The following KLRG1 variants were observed in gnomAD, a reference collection of about 807,000 sequenced individuals.
KLRG1 encodes the protein killer cell lectin-like receptor subfamily G member 1.
A neutral mutation model predicts 21.8 loss-of-function variants in KLRG1; 16 were observed. The observed-to-expected ratio is 0.73, with a 90% CI of 0.50 to 1.11. The LOEUF is 1.11. Among genes scored for constraint, KLRG1 ranks in the 50% most tolerant of loss-of-function variants. KLRG1 has a pLI of 0.00. For missense variants in KLRG1, 173 were observed against 218.3 expected (o/e 0.79, Z 1.31); for synonymous variants, 69 against 75.9 (o/e 0.91, Z 0.47).
At chr12:9,126,684 G>C in the KLRG1 span, among the ~76,000 whole-genome samples, 1 of 152,096 alleles carries the variant, frequency 6.6e-6, no homozygotes, top group African/African-American at 2.4e-5. Context: ...TTAAGTATGG[G>C]TGCTCCCTCC....
At chr12:9,160,758 CA>C in the KLRG1 span, among the ~76,000 whole-genome samples, 2 of 151,728 alleles carry the variant, frequency 1.3e-5, no homozygotes, top group Non-Finnish European at 2.9e-5. Context: ...ACTAAAAATA[CA>C]AAAAAATTAG....
At chr12:9,089,573 T>C in the KLRG1 span, among the ~76,000 whole-genome samples, 1 of 152,084 alleles carries the variant, frequency 6.6e-6, no homozygotes, top group African/African-American at 2.4e-5. Context: ...AAATCCTGTC[T>C]CTACTAAAAA....
the KLRG1 span, among the ~76,000 whole-genome samples, chr12:9,165,864 T>C: frequency 6.6e-6 from 1 of 152,242 alleles, no homozygotes; most frequent in Non-Finnish European, 1.5e-5. Context: ...TATTTTAGAA[T>C]TGCTCAGCAC....
the KLRG1 span, among the ~76,000 whole-genome samples, chr12:9,206,111 T>C: frequency 6.6e-6 from 1 of 152,204 alleles, no homozygotes; most frequent in Non-Finnish European, 1.5e-5. Flanking sequence ...TATGTCTTAA[T>C]CTTTTTCTGG....
chr12:8,982,029 C>T (rs1946762711), intron 1 of KLRG1, among the ~76,000 whole-genome samples: 1 of 152,110 alleles, frequency 6.6e-6, no homozygotes, highest in East Asian at 1.9e-4. Context: ...AGTATGACCA[C>T]TTGTGGAAGG....
chr12:9,151,935 T>C, the KLRG1 span, among the ~76,000 whole-genome samples: 1 of 152,220 alleles, frequency 6.6e-6, no homozygotes, highest in Non-Finnish European at 1.5e-5. Context: ...ATTTAAACCA[T>C]ATCCTATCTT....
At chr12:8,996,097 A>G (rs1483659379) in intron 3 of KLRG1, among the ~76,000 whole-genome samples, 5 of 152,190 alleles carry the variant, frequency 3.3e-5, no homozygotes, top group Non-Finnish European at 7.3e-5. Context: ...CTGGAATCCA[A>G]TAAGTTCCAG....
At chr12:9,067,972 C>T in the KLRG1 span, 1 of 1,013,450 alleles carries the variant, frequency 9.9e-7, no homozygotes, top group African/African-American at 1.6e-5. Flanking sequence ...AAATCTATTC[C>T]AAATCATTAC....
chr12:9,158,668 CA>C, the KLRG1 span: 1 of 1,317,618 alleles, frequency 7.6e-7, no homozygotes, highest in African/African-American at 1.5e-5. Context: ...TCACAGTGTG[CA>C]CCCAAGAAAG....
At chr12:9,206,415 G>A in the KLRG1 span, among the ~76,000 whole-genome samples, 2 of 151,990 alleles carry the variant, frequency 1.3e-5, no homozygotes. Flanking sequence ...ACAAATCCAG[G>A]TTGACAAACT....
At chr12:9,067,383 T>C in the KLRG1 span, 42 of 277,818 alleles carry the variant, frequency 1.5e-4, no homozygotes, top group South Asian at 1.6e-3. Flanking sequence ...TTCAATGTTG[T>C]ATTTCATTCT....
At chr12:9,131,158 C>T in the KLRG1 span, among the ~76,000 whole-genome samples, 11 of 152,096 alleles carry the variant, frequency 7.2e-5, no homozygotes. Flanking sequence ...GTCTTTATGC[C>T]AGTGCCACAC....
the KLRG1 span, chr12:9,111,388 CT>C: frequency 1.4e-5 from 5 of 361,778 alleles, no homozygotes; most frequent in Non-Finnish European, 2.2e-5. Context: ...GGTGTGGTGC[CT>C]CATTTTAGAC....
the KLRG1 span, among the ~76,000 whole-genome samples, chr12:9,046,559 A>G: frequency 3.9e-5 from 6 of 152,234 alleles, no homozygotes; most frequent in Non-Finnish European, 8.8e-5. Context: ...ATTATAGCAG[A>G]TGTCTCTTCA....
At chr12:9,070,084 A>G in the KLRG1 span, among the ~76,000 whole-genome samples, 1 of 152,212 alleles carries the variant, frequency 6.6e-6, no homozygotes, top group Admixed American at 6.5e-5. Context: ...TCAAAGTTCA[A>G]TTCAGTTTCT....
At chr12:8,963,053 A>G (rs1372588919) in intron 1 of KLRG1, among the ~76,000 whole-genome samples, 1 of 152,246 alleles carries the variant, frequency 6.6e-6, no homozygotes, top group East Asian at 1.9e-4. Context: ...GCAGCCAGAG[A>G]AAAAATATAT....
chr12:9,007,522 C>T (rs1201168230), intron 3 of KLRG1, among the ~76,000 whole-genome samples: 2 of 152,188 alleles, frequency 1.3e-5, no homozygotes, highest in Non-Finnish European at 2.9e-5. Flanking sequence ...CCACTAGCCT[C>T]GGCCTCCCTA....
intron 2 of KLRG1, 69 bp downstream of exon 2, chr12:8,992,379 G>T: frequency 8.7e-7 from 1 of 1,146,152 alleles, no homozygotes; most frequent in South Asian, 1.5e-5. Context: ...CATAGCAGAA[G>T]CTTTGAAAAA....
chr12:9,055,710 C>G, the KLRG1 span: 1 of 152,724 alleles, frequency 6.5e-6, no homozygotes, highest in South Asian at 2.1e-4. Flanking sequence ...TTTATAGACA[C>G]AAGCCTCAAA....
Sources: allele counts gnomAD v4.1 joint callset (sites outside exome capture counted in the v4.1 genomes callset), GRCh38; gene constraint gnomAD v4.1.1; transcripts MANE v1.5; gene names NCBI Gene and HGNC (gene_info 2026-07-23, HGNC 2026-07-21).